Variants in GABBR2 observed in about 807,000 individuals in gnomAD.
The protein encoded by GABBR2 is gamma-aminobutyric acid type B receptor subunit 2.
In GABBR2, 23 loss-of-function variants were observed where a neutral mutation model predicts 105.6. The ratio of observed to expected loss-of-function variants is 0.22; its 90% confidence interval spans 0.16 to 0.31. The LOEUF (loss-of-function observed/expected upper bound fraction) is 0.31. Ranked by LOEUF, GABBR2 falls within the 10% of genes least tolerant of loss-of-function variation. GABBR2 has a pLI of 1.00. For missense variants in GABBR2, 734 were observed against 1,245.5 expected (o/e 0.59, Z 6.18); for synonymous variants, 478 against 499.7 (o/e 0.96, Z 0.58).
chr9:98,324,561 C>A (rs1458626559), intron 13 of GABBR2, among the ~76,000 whole-genome samples: 1 of 149,244 alleles, frequency 6.7e-6, no homozygotes, highest in Non-Finnish European at 1.5e-5. Context: ...CATTCCAGAA[C>A]AATATACTCA....
At chr9:98,677,380 G>C (rs1457498109) in intron 1 of GABBR2, among the ~76,000 whole-genome samples, 1 of 152,182 alleles carries the variant, frequency 6.6e-6, no homozygotes, top group Non-Finnish European at 1.5e-5. Flanking sequence ...TTAATAACTG[G>C]AGGATACCTG....
At chr9:98,670,746 T>A (rs1830397047) in intron 1 of GABBR2, among the ~76,000 whole-genome samples, 1 of 152,190 alleles carries the variant, frequency 6.6e-6, no homozygotes, top group Non-Finnish European at 1.5e-5. Flanking sequence ...ACAAACAGTG[T>A]ATGATTCTAC....
intron 12 of GABBR2, among the ~76,000 whole-genome samples, chr9:98,364,617 T>A (rs1028419103): frequency 6.6e-5 from 10 of 151,726 alleles, no homozygotes; most frequent in Middle Eastern, 3.4e-3. Flanking sequence ...TTTTTTTTTT[T>A]ATGGAATCTT....
intron 9 of GABBR2, 91 bp from the exon 10 acceptor site, chr9:98,389,095 C>T (rs1832132829): frequency 1.8e-5 from 21 of 1,140,326 alleles, no homozygotes; most frequent in Middle Eastern, 2.9e-4. Flanking sequence ...TCCAGCCAGG[C>T]CCTGCGCACA....
chr9:98,391,461 G>A (rs867650128), intron 9 of GABBR2, among the ~76,000 whole-genome samples: 2 of 152,308 alleles, frequency 1.3e-5, no homozygotes, highest in South Asian at 2.1e-4. Flanking sequence ...TGCTGCCCGT[G>A]ACGCTGGGGT....
chr9:98,494,811 G>T (rs747375599), intron 4 of GABBR2, among the ~76,000 whole-genome samples: 1 of 152,220 alleles, frequency 6.6e-6, no homozygotes, highest in Non-Finnish European at 1.5e-5. Context: ...GTTGGAGTTG[G>T]CTGGTTGATG....
intron 18 of GABBR2, among the ~76,000 whole-genome samples, chr9:98,292,021 C>T (rs1285418647): frequency 6.6e-6 from 1 of 152,216 alleles, no homozygotes; most frequent in Non-Finnish European, 1.5e-5. Flanking sequence ...CCCTTCTGGT[C>T]TTAATGACTG....
intron 1 of GABBR2, among the ~76,000 whole-genome samples, chr9:98,633,597 C>A (rs1829841021): frequency 1.3e-5 from 2 of 148,720 alleles, no homozygotes; most frequent in Non-Finnish European, 3.0e-5. Flanking sequence ...GCACTCCAGC[C>A]TGGGCAACAA....
intron 7 of GABBR2, among the ~76,000 whole-genome samples, chr9:98,420,938 C>A (rs1290290881): frequency 6.6e-6 from 1 of 152,076 alleles, no homozygotes; most frequent in Non-Finnish European, 1.5e-5. Context: ...CAAAGTCACA[C>A]CAACAAAGAA....
At chr9:98,680,364 G>A (rs1830528191) in intron 1 of GABBR2, among the ~76,000 whole-genome samples, 1 of 152,016 alleles carries the variant, frequency 6.6e-6, no homozygotes. Flanking sequence ...GGAGTGCAGT[G>A]GCACGATCTC....
intron 13 of GABBR2, among the ~76,000 whole-genome samples, chr9:98,344,998 A>G (rs1184288579): frequency 2.6e-5 from 4 of 152,002 alleles, no homozygotes; most frequent in Admixed American, 2.0e-4. Context: ...TTCTCATTCC[A>G]CACCTGCCTT....
rs141837082 is a variant in GABBR2, at chr9:98,340,667, C to T, written c.1893+22048G>A. ...AATCTTGCTCATCAGACATGCAGTACGTAAGGGAGCATGGCAGACAATGGG... is the reference window on the plus strand; with the variant it reads ...AATCTTGCTCATCAGACATGCAGTATGTAAGGGAGCATGGCAGACAATGGG... On this transcript the variant is annotated intron_variant, in intron 13 of 18. Coordinates refer to ENST00000259455, the MANE Select transcript of GABBR2 (RefSeq NM_005458.8). Among the ~76,000 whole-genome samples the T allele has an allele frequency of 1.2e-4, 18 of 152,258 alleles. No individual in the cohort carries two copies. In the East Asian group the frequency reaches 3.1e-3, roughly 26 times the overall value.
At chr9:98,540,929 T>C (rs961515563) in intron 3 of GABBR2, among the ~76,000 whole-genome samples, 6 of 152,270 alleles carry the variant, frequency 3.9e-5, no homozygotes, top group Admixed American at 6.5e-5. Context: ...TTTCAAATGC[T>C]GTTGGTGGGA....
intron 2 of GABBR2, among the ~76,000 whole-genome samples, chr9:98,558,511 C>CAGAA (rs1267958465): frequency 2.6e-5 from 4 of 152,178 alleles, no homozygotes; most frequent in Admixed American, 6.5e-5. Context: ...CACAGAGGAC[C>CAGAA]AGAAAGAAGG....
intron 3 of GABBR2, among the ~76,000 whole-genome samples, chr9:98,505,628 A>T (rs550442382): frequency 1.5e-3 from 233 of 152,332 alleles, no homozygotes; most frequent in African/African-American, 5.2e-3. Flanking sequence ...GGATGAGATC[A>T]TCCTGGATAA....
chr9:98,302,436 A>C (rs1830484428), intron 16 of GABBR2, among the ~76,000 whole-genome samples: 1 of 152,226 alleles, frequency 6.6e-6, no homozygotes, highest in Non-Finnish European at 1.5e-5. Context: ...TGGGGAGCAG[A>C]GCTGCCCCAA....
At chr9:98,597,515 G>A (rs1018070991) in intron 1 of GABBR2, among the ~76,000 whole-genome samples, 3 of 152,176 alleles carry the variant, frequency 2.0e-5, no homozygotes, top group African/African-American at 7.2e-5. Flanking sequence ...GAAGCTCAAA[G>A]AGTTTACATA....
At chr9:98,526,558 A>T (rs1004140519) in intron 3 of GABBR2, among the ~76,000 whole-genome samples, 1 of 152,146 alleles carries the variant, frequency 6.6e-6, no homozygotes, top group South Asian at 2.1e-4. Flanking sequence ...AGCACTTGTT[A>T]TCATCTGACA....
rs1032718644 is a variant in GABBR2 at position 98,394,326 on chromosome 9, G to A, written c.1298-71C>T. On this transcript the variant is annotated intron_variant, in intron 8 of 18. Transcript: ENST00000259455. ...TTGTGTCTGGGTGCTCCTATTCCAG[G>A]CTCTTGCTCCCCTCACAGGCCCTGG... The A allele has an allele frequency of 3.9e-5, 41 of 1,052,450 alleles. No individual in the cohort carries two copies. In the Admixed American group the frequency reaches 5.5e-4, roughly 14 times the overall value. 65.2% of individuals were successfully genotyped at this position (1,052,450 alleles called of 1,614,324 possible).
Sources: allele counts gnomAD v4.1 joint callset (sites outside exome capture counted in the v4.1 genomes callset), GRCh38; gene constraint gnomAD v4.1.1; transcripts MANE v1.5; gene names NCBI Gene and HGNC (gene_info 2026-07-23, HGNC 2026-07-21).